The following PSMD1 variants were observed in gnomAD, a reference collection of about 807,000 sequenced individuals.
PSMD1 encodes proteasome 26S subunit, non-ATPase 1, also known as 26S proteasome non-ATPase regulatory subunit 1.
A neutral mutation model predicts 119.0 loss-of-function variants in PSMD1; 18 were observed. The ratio of observed to expected loss-of-function variants is 0.15; its 90% confidence interval spans 0.10 to 0.22. The LOEUF is 0.22. PSMD1 is among the 10% of genes least tolerant of loss of function. The pLI, the probability that PSMD1 is intolerant of heterozygous loss-of-function variation, is 1.00. For missense variants in PSMD1, 702 were observed against 1,158.5 expected (o/e 0.61, Z 5.72); for synonymous variants, 374 against 396.6 (o/e 0.94, Z 0.68).
chr2:231,109,055 C>T (rs763569593), intron 16 of PSMD1: 25 of 1,614,092 alleles, frequency 1.5e-5, no homozygotes, highest in South Asian at 4.4e-5. Flanking sequence ...GGATGTTCTT[C>T]GCATAAGTGT....
chr2:231,166,970 C>T (rs567268141), intron 23 of PSMD1, among the ~76,000 whole-genome samples: 99 of 152,294 alleles, frequency 6.5e-4, no homozygotes, highest in Non-Finnish European at 1.0e-3. Context: ...AGCTGTGTGA[C>T]TAAGACAAGT....
chr2:231,105,878 C>T (rs1034779550), intron 16 of PSMD1, among the ~76,000 whole-genome samples: 20 of 152,094 alleles, frequency 1.3e-4, no homozygotes, highest in Non-Finnish European at 2.4e-4. Flanking sequence ...TCTCTGTATA[C>T]TGTTCTCTGT....
Position 231,078,706 on chromosome 2 carries a change from C to T in PSMD1, c.1119C>T (p.Asn373=). Residue 373 remains asparagine (N), a synonymous_variant, in exon 10 of 25, where the codon AAC becomes AAT. Coordinates refer to ENST00000308696, the MANE Select transcript of PSMD1 (RefSeq NM_002807.4). ...SVCHTATVIA[N]SFMHCGTTSD... ...GTCATACTGCAACCGTTATAGCAAACTCTTTTATGCACTGTGGGACAACCA... is the reference window on the plus strand; with the variant it reads ...GTCATACTGCAACCGTTATAGCAAATTCTTTTATGCACTGTGGGACAACCA... The T allele has an allele frequency of 6.2e-7, 1 of 1,608,032 alleles. No homozygotes were observed. The highest frequency in any genetic ancestry group is 2.2e-5 in the East Asian group (1 of 44,490).
intron 16 of PSMD1, among the ~76,000 whole-genome samples, chr2:231,095,048 C>T (rs1694692387): frequency 6.6e-6 from 1 of 152,184 alleles, no homozygotes; most frequent in Non-Finnish European, 1.5e-5. Context: ...TCCTATTAAC[C>T]CTGTCGGGAG....
At chr2:231,101,620 T>G (rs1193841513) in intron 16 of PSMD1, among the ~76,000 whole-genome samples, 1 of 152,186 alleles carries the variant, frequency 6.6e-6, no homozygotes, top group Non-Finnish European at 1.5e-5. Flanking sequence ...CAGAGAAATC[T>G]TTTGTGAAAG....
intron 18 of PSMD1, among the ~76,000 whole-genome samples, chr2:231,149,857 A>G (rs1040163236): frequency 9.9e-5 from 15 of 152,228 alleles, no homozygotes; most frequent in Admixed American, 9.8e-4. Context: ...TTGAGGAGGG[A>G]GCTGAAAACT....
At chr2:231,148,544 A>G (rs1696299834) in intron 18 of PSMD1, among the ~76,000 whole-genome samples, 1 of 152,244 alleles carries the variant, frequency 6.6e-6, no homozygotes, top group South Asian at 2.1e-4. Context: ...AATCTTAGAC[A>G]CTGATTAAAA....
At chr2:231,083,382 G>A (rs999312619) in intron 13 of PSMD1, among the ~76,000 whole-genome samples, 185 bp from the exon 14 acceptor site, 1 of 152,134 alleles carries the variant, frequency 6.6e-6, no homozygotes, top group Non-Finnish European at 1.5e-5. Context: ...ATGAATGTGC[G>A]AACCCTAAAT....
At chr2:231,150,344 CAAG>C (rs200560598) in intron 18 of PSMD1, among the ~76,000 whole-genome samples, 2,671 of 145,940 alleles carry the variant, frequency 0.018, 42 homozygotes, top group Middle Eastern at 0.028. Context: ...GAGGCTGTCT[CAAG>C]GAGGGGAAAA....
intron 16 of PSMD1, among the ~76,000 whole-genome samples, chr2:231,101,914 T>C (rs906786925): frequency 2.6e-5 from 4 of 152,188 alleles, no homozygotes; most frequent in African/African-American, 9.7e-5. Context: ...CCTGAGCTTA[T>C]GGAGCTTGGG....
At chr2:231,150,189 C>CAA (rs201310658) in intron 18 of PSMD1, among the ~76,000 whole-genome samples, 5 of 151,330 alleles carry the variant, frequency 3.3e-5, no homozygotes, top group African/African-American at 1.2e-4. Flanking sequence ...ACTAAAAATA[C>CAA]AAAAAAAATT....
intron 16 of PSMD1, among the ~76,000 whole-genome samples, chr2:231,118,310 GC>G (rs777885855): frequency 5.1e-4 from 78 of 152,170 alleles, no homozygotes; most frequent in Non-Finnish European, 8.7e-4. Context: ...ATAGAAACAA[GC>G]CAAATCATCA....
At chr2:231,064,302 A>G (rs79946882) in intron 4 of PSMD1, among the ~76,000 whole-genome samples, 2,520 of 152,332 alleles carry the variant, frequency 0.017, 73 homozygotes, top group African/African-American at 0.058. Flanking sequence ...TATCGTAAAC[A>G]GTACCTCCAG....
chr2:231,070,183 T>C lies in PSMD1; in HGVS notation c.654+15T>C. 1 of 1,513,156 alleles carries C rather than the reference T, an allele frequency of 6.6e-7. No homozygotes were observed. The highest frequency in any genetic ancestry group is 8.8e-7 in the Non-Finnish European group (1 of 1,135,074). 93.7% of individuals were successfully genotyped at this position (1,513,156 alleles called of 1,614,324 possible). A position where few individuals can be genotyped will look rare whatever the true frequency, so the allele number is the denominator to read the frequency against. On this transcript the variant is annotated intron_variant, in intron 6 of 24. Coordinates refer to ENST00000308696, the MANE Select transcript of PSMD1 (RefSeq NM_002807.4). Reference sequence around the variant, plus strand: ...ATGTTTGTCAGGTAATGACATTAAATTATGTTTCATTACATTGCTCCACGC... The same window carrying C: ...ATGTTTGTCAGGTAATGACATTAAACTATGTTTCATTACATTGCTCCACGC...
rs561626873 is a variant in PSMD1 at position 231,108,536 on chromosome 2, T to C, written c.1883+21355T>C. ...GTTCTGCTATACATAACTAACTTGCTCTTCAGTTTTGTCACCTTCATTTTC... is the reference window on the plus strand; with the variant it reads ...GTTCTGCTATACATAACTAACTTGCCCTTCAGTTTTGTCACCTTCATTTTC... On this transcript the variant is annotated intron_variant, in intron 16 of 24. Transcript: ENST00000308696. 8 of 1,613,752 alleles carry C rather than the reference T, an allele frequency of 5.0e-6. No individual in the cohort carries two copies. The South Asian group carries it at 6.6e-5, about 13-fold the overall frequency.
At chr2:231,083,902 C>T in intron 14 of PSMD1, 139 bp downstream of exon 14, 2 of 814,102 alleles carry the variant, frequency 2.5e-6, no homozygotes, top group Non-Finnish European at 3.8e-6. Flanking sequence ...TATATGAAGC[C>T]TAATAGAATT....
intron 8 of PSMD1, among the ~76,000 whole-genome samples, chr2:231,076,483 A>G (rs1281152965): frequency 1.3e-5 from 2 of 152,228 alleles, no homozygotes; most frequent in Admixed American, 6.5e-5. Context: ...CCTGGCCAAC[A>G]TGGCAAAACC....
chr2:231,103,681 G>A (rs1170924069), intron 16 of PSMD1, among the ~76,000 whole-genome samples: 2 of 151,944 alleles, frequency 1.3e-5, no homozygotes, highest in Non-Finnish European at 2.9e-5. Context: ...ACACAAATTT[G>A]TTCTATTTCT....
At chr2:231,135,287 G>A (rs1455458082) in intron 16 of PSMD1, among the ~76,000 whole-genome samples, 2 of 152,080 alleles carry the variant, frequency 1.3e-5, no homozygotes, top group Non-Finnish European at 2.9e-5. Flanking sequence ...ACTCATTGAA[G>A]AAAAGTTGTC....
Sources: gnomAD v4.1 joint callset for allele counts (sites outside exome capture counted in the v4.1 genomes callset) on GRCh38, gnomAD v4.1.1 for gene constraint, MANE v1.5 for transcripts, NCBI Gene and HGNC (gene_info 2026-07-23, HGNC 2026-07-21) for gene names.